FSTL4: variants seen among roughly 807,000 people sequenced by gnomAD.
FSTL4 encodes the protein follistatin like 4, also known as follistatin-related protein 4.
In FSTL4, 28 loss-of-function variants were observed where a neutral mutation model predicts 78.2. The observed-to-expected ratio is 0.36, with a 90% CI of 0.27 to 0.49. The LOEUF is 0.49. Ranked by LOEUF, FSTL4 falls within the 20% of genes least tolerant of loss-of-function variation. FSTL4 has a pLI of 0.98. For synonymous variants in FSTL4, 422 were observed against 440.5 expected (o/e 0.96, Z 0.53); for missense variants, 922 against 1,084.9 (o/e 0.85, Z 2.11).
the FSTL4 span, among the ~76,000 whole-genome samples, chr5:133,646,781 G>A: frequency 6.6e-6 from 1 of 152,124 alleles, no homozygotes. Context: ...CATTTATTGA[G>A]TTGAGAAGAT....
In FSTL4 at chr5:133,310,918, G is replaced by T. The variant is rs6596121; in HGVS notation, c.727+1736C>A. On this transcript the variant is annotated intron_variant, in intron 6 of 15. Coordinates refer to ENST00000265342, the MANE Select transcript of FSTL4 (RefSeq NM_015082.2). ...GGAATCATCAAGGAGTCTCAGTGAG[G>T]GGAGGTGGGTGGGGAAGATATTGCC... Among the ~76,000 whole-genome samples the T allele has an allele frequency of 3.6e-4, 55 of 152,080 alleles. No homozygotes were observed. The East Asian group carries it at 4.3e-3, about 12-fold the overall frequency.
intron 3 of FSTL4, among the ~76,000 whole-genome samples, chr5:133,543,476 G>A (rs565077225): frequency 2.0e-5 from 3 of 152,010 alleles, no homozygotes; most frequent in African/African-American, 4.8e-5. Flanking sequence ...GATCTTACTC[G>A]GTAAATACAT....
At chr5:133,343,072 G>T (rs541101138) in intron 4 of FSTL4, among the ~76,000 whole-genome samples, 1 of 152,186 alleles carries the variant, frequency 6.6e-6, no homozygotes, top group Non-Finnish European at 1.5e-5. Flanking sequence ...CCGGCCCATC[G>T]AGATGAAGGA....
At chr5:133,526,751 T>C (rs903702313) in intron 3 of FSTL4, among the ~76,000 whole-genome samples, 1 of 151,532 alleles carries the variant, frequency 6.6e-6, no homozygotes, top group African/African-American at 2.4e-5. Flanking sequence ...CACATGGGAG[T>C]AGCAGGAGGA....
chr5:133,415,079 G>C (rs185521418), intron 3 of FSTL4, among the ~76,000 whole-genome samples: 264 of 152,300 alleles, frequency 1.7e-3, no homozygotes, highest in Admixed American at 4.7e-3. Flanking sequence ...CAAATACAAG[G>C]TCAGTGACTA....
the FSTL4 span, among the ~76,000 whole-genome samples, chr5:133,811,119 G>A: frequency 1.2e-4 from 18 of 152,258 alleles, no homozygotes; most frequent in African/African-American, 4.3e-4. Flanking sequence ...TCGTGGGCCT[G>A]TCCAGCTCTA....
At chr5:133,829,837 G>A in the FSTL4 span, among the ~76,000 whole-genome samples, 1 of 152,170 alleles carries the variant, frequency 6.6e-6, no homozygotes, top group African/African-American at 2.4e-5. Flanking sequence ...TTTGCTCCAG[G>A]GCGGCCGGTC....
the FSTL4 span, among the ~76,000 whole-genome samples, chr5:133,644,316 T>G: frequency 0.02 from 3,041 of 150,020 alleles, 48 homozygotes; most frequent in African/African-American, 0.033. Context: ...TTGTGTGTGT[T>G]TTTTTTTTCT....
At chr5:133,210,385 G>A (rs1299932160) in intron 13 of FSTL4, 87 bp from the exon 14 acceptor site, 11 of 723,360 alleles carry the variant, frequency 1.5e-5, no homozygotes, top group Non-Finnish European at 2.2e-5. Context: ...CCTGGGCGAG[G>A]GGAAAGCCAG....
At chr5:133,604,087 A>T (rs964981110) in intron 1 of FSTL4, 94 bp from the exon 2 acceptor site, 4 of 910,476 alleles carry the variant, frequency 4.4e-6, no homozygotes, top group Non-Finnish European at 7.0e-6. Flanking sequence ...GAATCAGATA[A>T]GCCTGGGTTT....
At chr5:133,785,124 A>C in the FSTL4 span, among the ~76,000 whole-genome samples, 1 of 152,128 alleles carries the variant, frequency 6.6e-6, no homozygotes, top group Non-Finnish European at 1.5e-5. Context: ...CTCCCCTCAC[A>C]AAGCTCTCAG....
chr5:133,275,485 G>A (rs185873420), intron 6 of FSTL4, among the ~76,000 whole-genome samples: 5 of 151,926 alleles, frequency 3.3e-5, no homozygotes, highest in Admixed American at 1.3e-4. Flanking sequence ...GCTTGAACCC[G>A]GAAGGCGGTG....
At chr5:133,447,132 T>C (rs1266527695) in intron 3 of FSTL4, among the ~76,000 whole-genome samples, 1 of 152,138 alleles carries the variant, frequency 6.6e-6, no homozygotes. Flanking sequence ...GATGCTGATA[T>C]ACAGGAGGAC....
At chr5:133,830,657 G>T in the FSTL4 span, among the ~76,000 whole-genome samples, 6 of 152,202 alleles carry the variant, frequency 3.9e-5, no homozygotes, top group Non-Finnish European at 7.3e-5. Flanking sequence ...GGCCATGCTT[G>T]AAAGGACAGA....
chr5:133,662,814 A>C, the FSTL4 span, among the ~76,000 whole-genome samples: 1 of 152,126 alleles, frequency 6.6e-6, no homozygotes, highest in African/African-American at 2.4e-5. Flanking sequence ...TGGGGCTGTG[A>C]GTCACTCTTC....
intron 6 of FSTL4, among the ~76,000 whole-genome samples, chr5:133,276,678 C>G (rs1402711432): frequency 6.6e-6 from 1 of 152,200 alleles, no homozygotes; most frequent in African/African-American, 2.4e-5. Context: ...GCATCAATAT[C>G]TTGTTACTCT....
At chr5:133,812,164 A>G in the FSTL4 span, among the ~76,000 whole-genome samples, 1 of 152,218 alleles carries the variant, frequency 6.6e-6, no homozygotes, top group African/African-American at 2.4e-5. Context: ...CTTGAATTCA[A>G]CCACCTCTTT....
intron 2 of FSTL4, chr5:133,583,516 G>C (rs1452528188): frequency 5.5e-6 from 1 of 181,188 alleles, no homozygotes; most frequent in African/African-American, 2.7e-5. Context: ...TTCCCTTTCC[G>C]AGTCAAAGAA....
the FSTL4 span, among the ~76,000 whole-genome samples, chr5:133,735,861 GA>G: frequency 2.6e-5 from 4 of 152,294 alleles, no homozygotes; most frequent in South Asian, 8.3e-4. Context: ...AAGAAGGAGA[GA>G]GAAAACAAAA....
Sources: gnomAD v4.1 joint callset for allele counts (sites outside exome capture counted in the v4.1 genomes callset) on GRCh38, gnomAD v4.1.1 for gene constraint, MANE v1.5 for transcripts, NCBI Gene and HGNC (gene_info 2026-07-23, HGNC 2026-07-21) for gene names.